The following MACROD2 variants were observed in gnomAD, a reference collection of about 807,000 sequenced individuals.
MACROD2 encodes ADP-ribose glycohydrolase MACROD2.
Under a neutral mutation model 70.4 loss-of-function variants are expected in MACROD2, and 36 were observed. The observed-to-expected ratio is 0.51, with a 90% CI of 0.39 to 0.68. MACROD2 has a LOEUF of 0.68. Ranked by LOEUF, MACROD2 falls within the 30% of genes least tolerant of loss-of-function variation. The probability of loss-of-function intolerance (pLI) is 0.00; values close to 1 mark genes in which losing one functional copy is unlikely to be tolerated. For synonymous variants in MACROD2, 172 were observed against 178.8 expected, an observed-to-expected ratio of 0.96 and a Z score of 0.30; for missense variants, 496 against 538.4, an observed-to-expected ratio of 0.92 and a Z score of 0.78.
At chr20:15,157,788 C>T (rs1024574668) in intron 5 of MACROD2, among the ~76,000 whole-genome samples, 2 of 152,024 alleles carry the variant, frequency 1.3e-5, no homozygotes, top group Non-Finnish European at 2.9e-5. Context: ...TATTATTGTA[C>T]CTGCAGATGC....
chr20:14,034,737 G>C (rs562389856), intron 2 of MACROD2, among the ~76,000 whole-genome samples: 1 of 152,168 alleles, frequency 6.6e-6, no homozygotes, highest in Non-Finnish European at 1.5e-5. Context: ...GCTAGGCACT[G>C]TTCTAAGTGG....
chr20:14,735,142 A>G (rs192527628), intron 5 of MACROD2, among the ~76,000 whole-genome samples: 2 of 152,276 alleles, frequency 1.3e-5, no homozygotes, highest in East Asian at 3.9e-4. Flanking sequence ...ATTAGACGTT[A>G]TTAAAACAAA....
chr20:15,125,331 AC>A (rs2076058764), intron 5 of MACROD2, among the ~76,000 whole-genome samples: 1 of 152,034 alleles, frequency 6.6e-6, no homozygotes, highest in Non-Finnish European at 1.5e-5. Flanking sequence ...CCTCAAAGTA[AC>A]CCTGAGTGAG....
At chr20:14,977,541 C>G (rs1038186768) in intron 5 of MACROD2, among the ~76,000 whole-genome samples, 3 of 151,570 alleles carry the variant, frequency 2.0e-5, no homozygotes, top group Admixed American at 2.0e-4. Flanking sequence ...CCTGGACAAG[C>G]TGAATGTGAC....
chr20:15,580,157 T>G (rs2048503967), intron 8 of MACROD2, among the ~76,000 whole-genome samples: 1 of 152,210 alleles, frequency 6.6e-6, no homozygotes, highest in South Asian at 2.1e-4. Context: ...GTGGGTTTCT[T>G]AAATCTTGAA....
chr20:15,274,975 G>C (rs2077377882), intron 6 of MACROD2, among the ~76,000 whole-genome samples: 3 of 152,090 alleles, frequency 2.0e-5, no homozygotes, highest in Non-Finnish European at 4.4e-5. Context: ...GCATATTCTA[G>C]GCAGTGTGGG....
At chr20:14,010,154 T>C (rs1164938185) in intron 2 of MACROD2, among the ~76,000 whole-genome samples, 2 of 152,192 alleles carry the variant, frequency 1.3e-5, no homozygotes, top group Non-Finnish European at 2.9e-5. Context: ...TAAAAAAAAA[T>C]TTGGTCATTT....
chr20:14,638,473 T>C (rs562849853), intron 4 of MACROD2, among the ~76,000 whole-genome samples: 1 of 152,066 alleles, frequency 6.6e-6, no homozygotes, highest in Non-Finnish European at 1.5e-5. Flanking sequence ...GGATTATATA[T>C]AGAGAGAGAG....
intron 6 of MACROD2, among the ~76,000 whole-genome samples, chr20:15,419,520 G>C (rs1325647906): frequency 6.6e-6 from 1 of 152,176 alleles, no homozygotes; most frequent in Non-Finnish European, 1.5e-5. Flanking sequence ...CTGTGTTCTT[G>C]TTCCCGATTC....
chr20:16,003,234 G>A (rs2066740011), intron 15 of MACROD2, among the ~76,000 whole-genome samples: 1 of 152,008 alleles, frequency 6.6e-6, no homozygotes, highest in East Asian at 1.9e-4. Context: ...CATCATCTAG[G>A]AACTTGCTAA....
chr20:14,451,309 C>T (rs2084242384), intron 3 of MACROD2, among the ~76,000 whole-genome samples: 1 of 152,126 alleles, frequency 6.6e-6, no homozygotes, highest in East Asian at 1.9e-4. Flanking sequence ...ATTAGCCGGG[C>T]GTGGTGGCAC....
chr20:15,343,111 G>A (rs749053810), intron 6 of MACROD2, among the ~76,000 whole-genome samples: 7 of 152,228 alleles, frequency 4.6e-5, no homozygotes, highest in Non-Finnish European at 1.0e-4. Flanking sequence ...CAAAAGGCAT[G>A]TTGTCAGAAT....
At chr20:15,659,314 T>C (rs2049781929) in intron 8 of MACROD2, among the ~76,000 whole-genome samples, 1 of 136,820 alleles carries the variant, frequency 7.3e-6, no homozygotes, top group Admixed American at 7.4e-5. Flanking sequence ...CTTTTTTTTT[T>C]TTTTTTTTTT....
intron 17 of MACROD2, among the ~76,000 whole-genome samples, chr20:16,049,461 GTTA>G (rs1383170926): frequency 5.3e-5 from 8 of 152,118 alleles, no homozygotes; most frequent in African/African-American, 1.9e-4. Flanking sequence ...TATGAAAATT[GTTA>G]TTATTTATAT....
At chr20:14,118,849 T>TC (rs935498145) in intron 3 of MACROD2, among the ~76,000 whole-genome samples, 2 of 150,102 alleles carry the variant, frequency 1.3e-5, no homozygotes, top group African/African-American at 4.9e-5. Flanking sequence ...GTGATTTTTT[T>TC]TTTTTTTTTT....
intron 7 of MACROD2, among the ~76,000 whole-genome samples, chr20:15,480,715 C>G (rs2146453256): frequency 6.6e-6 from 1 of 152,232 alleles, no homozygotes; most frequent in South Asian, 2.1e-4. Flanking sequence ...TCCAACTCCC[C>G]ATTTCCCAAT....
intron 5 of MACROD2, among the ~76,000 whole-genome samples, chr20:14,700,617 G>A (rs538678420): frequency 4.0e-5 from 6 of 151,884 alleles, no homozygotes; most frequent in Admixed American, 6.6e-5. Context: ...AAAGAGATTC[G>A]TGATGAGTGC....
chr20:15,621,082 G>A (rs2049118136), intron 8 of MACROD2, among the ~76,000 whole-genome samples: 4 of 152,144 alleles, frequency 2.6e-5, no homozygotes, highest in Admixed American at 2.0e-4. Flanking sequence ...CAGTTCCTGA[G>A]GATACTTGGG....
chr20:15,913,473 A>G (rs2065266092), intron 10 of MACROD2, among the ~76,000 whole-genome samples: 1 of 152,146 alleles, frequency 6.6e-6, no homozygotes, highest in Non-Finnish European at 1.5e-5. Flanking sequence ...GTCTGCAATT[A>G]TTTTTTCAAG....
Sources: gnomAD v4.1 joint callset for allele counts (sites outside exome capture counted in the v4.1 genomes callset) on GRCh38, gnomAD v4.1.1 for gene constraint, MANE v1.5 for transcripts, NCBI Gene and HGNC (gene_info 2026-07-23, HGNC 2026-07-21) for gene names.